Variants in TMEM232 observed in about 807,000 individuals in gnomAD.
TMEM232 encodes transmembrane protein 232.
A neutral mutation model predicts 78.8 loss-of-function variants in TMEM232; 80 were observed. The observed-to-expected ratio is 1.01, with a 90% CI of 0.85 to 1.22. The LOEUF is 1.22. TMEM232 is among the 50% of genes most tolerant of loss of function. TMEM232 has a pLI of 0.00. For synonymous variants in TMEM232, 297 were observed against 254.3 expected (o/e 1.17, Z -1.60); for missense variants, 881 against 742.2 (o/e 1.19, Z -2.17).
intron 11 of TMEM232, among the ~76,000 whole-genome samples, chr5:110,533,547 C>A (rs549595872): frequency 2.9e-4 from 44 of 152,316 alleles, no homozygotes; most frequent in African/African-American, 9.9e-4. Flanking sequence ...TCAACTCACT[C>A]TACATTTCTC....
intron 11 of TMEM232, among the ~76,000 whole-genome samples, chr5:110,559,975 T>C (rs1775555868): frequency 6.6e-6 from 1 of 152,172 alleles, no homozygotes; most frequent in African/African-American, 2.4e-5. Context: ...ATTGCCTTCT[T>C]ATAAAGACAC....
At chr5:110,419,022 T>G (rs755882147), downstream of TMEM232, among the ~76,000 whole-genome samples, 3 of 151,990 alleles carry the variant, frequency 2.0e-5, no homozygotes, top group African/African-American at 7.2e-5. Flanking sequence ...GAGGTTTGGA[T>G]GGAAGGATGG....
chr5:110,650,249 C>T (rs1167624908), intron 2 of TMEM232, among the ~76,000 whole-genome samples: 1 of 151,774 alleles, frequency 6.6e-6, no homozygotes, highest in Admixed American at 6.6e-5. Context: ...GATGATTTCC[C>T]TCTCTCCAAT....
intron 12 of TMEM232, among the ~76,000 whole-genome samples, chr5:110,490,173 G>GAAAT (rs1273796204): frequency 4.7e-4 from 60 of 126,450 alleles, no homozygotes; most frequent in African/African-American, 1.9e-3. Context: ...AAGAAAGAAA[G>GAAAT]AAAGAAAGAA....
chr5:110,687,769 C>T (rs180690726), intron 1 of TMEM232, among the ~76,000 whole-genome samples: 2 of 152,014 alleles, frequency 1.3e-5, no homozygotes, highest in East Asian at 1.9e-4. Flanking sequence ...CATATACATA[C>T]GTACATATTA....
chr5:110,614,146 T>G (rs1782647954), intron 8 of TMEM232, among the ~76,000 whole-genome samples: 2 of 152,114 alleles, frequency 1.3e-5, no homozygotes, highest in East Asian at 3.9e-4. Context: ...TATTTTTCAC[T>G]TTACTCTTCT....
intron 12 of TMEM232, among the ~76,000 whole-genome samples, chr5:110,437,411 A>G (rs1422318340): frequency 6.6e-6 from 1 of 152,076 alleles, no homozygotes; most frequent in Non-Finnish European, 1.5e-5. Flanking sequence ...GCATATATTT[A>G]TGAAAGGCTA....
intron 12 of TMEM232, among the ~76,000 whole-genome samples, chr5:110,473,190 TC>T (rs1246875282): frequency 6.6e-6 from 1 of 151,846 alleles, no homozygotes; most frequent in Non-Finnish European, 1.5e-5. Flanking sequence ...AAACTATACT[TC>T]TGACAAGAGG....
intron 10 of TMEM232, among the ~76,000 whole-genome samples, chr5:110,577,830 T>C (rs941226790): frequency 3.3e-5 from 5 of 151,854 alleles, no homozygotes; most frequent in African/African-American, 1.2e-4. Context: ...TGACAACACA[T>C]GGAGACACAG....
At chr5:110,468,616 A>C (rs1253435355) in intron 12 of TMEM232, among the ~76,000 whole-genome samples, 4 of 152,164 alleles carry the variant, frequency 2.6e-5, no homozygotes, top group Admixed American at 1.3e-4. Context: ...ATATGTCATG[A>C]TTATATAAGT....
intron 12 of TMEM232, among the ~76,000 whole-genome samples, chr5:110,475,485 C>G (rs1304707225): frequency 5.2e-5 from 6 of 114,534 alleles, no homozygotes; most frequent in Non-Finnish European, 8.5e-5. Flanking sequence ...AACCAGTTCT[C>G]AATATATTGG....
At chr5:110,728,725 T>TAA (rs1554088560), upstream of TMEM232, among the ~76,000 whole-genome samples, 2 of 150,778 alleles carry the variant, frequency 1.3e-5, no homozygotes, top group East Asian at 3.9e-4. Flanking sequence ...TATATATATA[T>TAA]AATCCTAAAA....
intron 4 of TMEM232, among the ~76,000 whole-genome samples, chr5:110,389,184 C>T (rs1755089545): frequency 6.6e-6 from 1 of 152,118 alleles, no homozygotes; most frequent in South Asian, 2.1e-4. Flanking sequence ...TCTCTTGAAC[C>T]TAGGAGGCGG....
At chr5:110,550,462 C>T (rs1774311450) in intron 11 of TMEM232, among the ~76,000 whole-genome samples, 1 of 151,404 alleles carries the variant, frequency 6.6e-6, no homozygotes, top group East Asian at 1.9e-4. Context: ...ATGATGCTCA[C>T]AAAAAAACAT....
At chr5:110,587,325 T>C (rs1330907063) in intron 10 of TMEM232, among the ~76,000 whole-genome samples, 2 of 152,090 alleles carry the variant, frequency 1.3e-5, no homozygotes, top group East Asian at 3.9e-4. Flanking sequence ...TAAAATAAAC[T>C]GTTAGACTTC....
chr5:110,495,920 G>C (rs1347897185), intron 12 of TMEM232, among the ~76,000 whole-genome samples: 1 of 151,140 alleles, frequency 6.6e-6, no homozygotes, highest in Admixed American at 6.6e-5. Context: ...TAGTAAAGAA[G>C]AACCATTCAT....
chr5:110,448,887 A>G (rs1759962386), intron 12 of TMEM232, among the ~76,000 whole-genome samples: 1 of 152,028 alleles, frequency 6.6e-6, no homozygotes, highest in Non-Finnish European at 1.5e-5. Context: ...AAGTAGAGAA[A>G]ATACACAGTA....
At chr5:110,433,214 C>T (rs1399258652) in intron 12 of TMEM232, among the ~76,000 whole-genome samples, 1 of 151,726 alleles carries the variant, frequency 6.6e-6, no homozygotes, top group Non-Finnish European at 1.5e-5. Flanking sequence ...TACTCTAAGA[C>T]TGACCACATG....
chr5:110,420,611 T>C lies in TMEM232; in HGVS notation c.1943A>G (p.Tyr648Cys). 3.4e-6 allele frequency: 5 copies of C among 1,491,698 alleles called. No individual in the cohort carries two copies. The highest frequency in any genetic ancestry group is 1.3e-5 in the South Asian group (1 of 74,622). 92.4% of individuals were successfully genotyped at this position (1,491,698 alleles called of 1,614,324 possible). A position where few individuals can be genotyped will look rare whatever the true frequency, so the allele number is the denominator to read the frequency against. ...TACTTCCTTCCTATAAGGAAGTTCA[T>C]AGGGCTTGGTTTGCTTATGTAGTTT... ...EEKLHKQTKP[Y>C]ELPYRKEVI The change falls in exon 14 of 14, where the codon TAT becomes TGT. Residue 648 changes from tyrosine to cysteine, a missense_variant. By Grantham distance (194) the Tyr-to-Cys change is radical (BLOSUM62 -2). Transcript: ENST00000455884.
Sources: allele counts gnomAD v4.1 joint callset (sites outside exome capture counted in the v4.1 genomes callset), GRCh38; gene constraint gnomAD v4.1.1; transcripts MANE v1.5; gene names NCBI Gene and HGNC (gene_info 2026-07-23, HGNC 2026-07-21).